Variants in MED13L observed in about 807,000 individuals in gnomAD.
MED13L encodes mediator complex subunit 13L, also known as mediator of RNA polymerase II transcription subunit 13-like.
Under a neutral mutation model 220.9 loss-of-function variants are expected in MED13L, and 7 were observed. That is an observed-to-expected ratio of 0.03 (90% CI 0.02 to 0.06). MED13L has a LOEUF of 0.06. Ranked by LOEUF, MED13L falls within the 10% of genes least tolerant of loss-of-function variation. MED13L has a pLI of 1.00. For synonymous variants in MED13L, 1,011 were observed against 1,015.2 expected (o/e 1.00, Z 0.08); for missense variants, 1,965 against 2,760.5 (o/e 0.71, Z 6.46).
intron 2 of MED13L, among the ~76,000 whole-genome samples, chr12:116,204,495 C>T (rs571724045): frequency 4.6e-5 from 7 of 152,338 alleles, no homozygotes; most frequent in African/African-American, 9.6e-5. Context: ...TATTTTTCAG[C>T]GTAGATGGAT....
intron 4 of MED13L, 114 bp from the exon 5 acceptor site, chr12:116,022,715 C>A: frequency 1.8e-6 from 2 of 1,135,872 alleles, no homozygotes; most frequent in South Asian, 2.7e-5. Context: ...GTAAGGCTGA[C>A]TTCTAATTGT....
At chr12:115,986,745 T>C (rs1159321675) in intron 18 of MED13L, among the ~76,000 whole-genome samples, 1 of 152,172 alleles carries the variant, frequency 6.6e-6, no homozygotes, top group East Asian at 1.9e-4. Context: ...AAATTAACTT[T>C]CCAAGCAGCA....
intron 1 of MED13L, among the ~76,000 whole-genome samples, chr12:116,243,870 G>A (rs894787090): frequency 2.6e-5 from 4 of 152,246 alleles, no homozygotes; most frequent in Admixed American, 2.6e-4. Flanking sequence ...CCTATAAAGT[G>A]ATAGGGTTGA....
At chr12:116,086,310 T>G (rs1871682966) in intron 4 of MED13L, among the ~76,000 whole-genome samples, 1 of 140,830 alleles carries the variant, frequency 7.1e-6, no homozygotes, top group Non-Finnish European at 1.5e-5. Context: ...GAGACAAGAG[T>G]CTCATTCTTG....
chr12:116,275,082 A>G (rs2138607980), intron 1 of MED13L, among the ~76,000 whole-genome samples: 1 of 152,224 alleles, frequency 6.6e-6, no homozygotes, highest in East Asian at 1.9e-4. Flanking sequence ...GTATATACAC[A>G]GCCATTACCA....
intron 4 of MED13L, among the ~76,000 whole-genome samples, chr12:116,073,396 G>A (rs921926286): frequency 2.0e-5 from 3 of 152,078 alleles, no homozygotes; most frequent in African/African-American, 7.2e-5. Flanking sequence ...AAACTACACT[G>A]TTGCCACCAT....
At chr12:116,044,463 G>A (rs539532531) in intron 4 of MED13L, among the ~76,000 whole-genome samples, 1 of 152,226 alleles carries the variant, frequency 6.6e-6, no homozygotes, top group Admixed American at 6.5e-5. Flanking sequence ...CAAAGTTTAA[G>A]ACCAGCTCTG....
At chr12:116,002,243 A>G (rs1186093353) in intron 14 of MED13L, among the ~76,000 whole-genome samples, 2 of 152,224 alleles carry the variant, frequency 1.3e-5, no homozygotes, top group Non-Finnish European at 2.9e-5. Flanking sequence ...CAATCTCTGT[A>G]TACTTCCCAA....
At chr12:115,985,548 T>C (rs1877625968) in intron 19 of MED13L, among the ~76,000 whole-genome samples, 1 of 152,212 alleles carries the variant, frequency 6.6e-6, no homozygotes, top group South Asian at 2.1e-4. Context: ...TTAATTTCAT[T>C]TTGCTGAATA....
chr12:115,998,364 A>G (rs528300564), intron 14 of MED13L, among the ~76,000 whole-genome samples: 14 of 152,360 alleles, frequency 9.2e-5, no homozygotes, highest in African/African-American at 3.1e-4. Context: ...AGATTTAAAC[A>G]GACCAATAAT....
At chr12:115,980,021 T>C (rs774669961) in intron 23 of MED13L, among the ~76,000 whole-genome samples, 1 of 152,184 alleles carries the variant, frequency 6.6e-6, no homozygotes. Flanking sequence ...CAACTTCCTC[T>C]AAGTATGTGC....
At chr12:116,229,324 A>G (rs1869317417) in intron 2 of MED13L, among the ~76,000 whole-genome samples, 1 of 152,220 alleles carries the variant, frequency 6.6e-6, no homozygotes, top group Non-Finnish European at 1.5e-5. Context: ...TGACTCTAAC[A>G]TCTCATTTAA....
intron 3 of MED13L, among the ~76,000 whole-genome samples, chr12:116,106,019 C>A (rs1024369319): frequency 1.3e-5 from 2 of 152,198 alleles, no homozygotes; most frequent in Admixed American, 1.3e-4. Context: ...CCAAGTCATA[C>A]CCAGGAGGGT....
chr12:116,088,486 G>A (rs1021306223), intron 4 of MED13L, among the ~76,000 whole-genome samples: 4 of 152,108 alleles, frequency 2.6e-5, no homozygotes, highest in South Asian at 2.1e-4. Context: ...GGGTTGTCAC[G>A]ACTGAGGGAG....
At position 115,984,108 on chromosome 12, in the gene MED13L, T is replaced by C. The variant is rs1056533836; in HGVS notation, c.4531+72A>G. On this transcript the variant is annotated intron_variant, in intron 20 of 30. Coordinates refer to ENST00000281928, the MANE Select transcript of MED13L (RefSeq NM_015335.5). ...CAAAAGAAATATAATGTTGCATCTATAAAAGAAGGGATGGGACGGATTTGC... is the reference window on the plus strand; with the variant it reads ...CAAAAGAAATATAATGTTGCATCTACAAAAGAAGGGATGGGACGGATTTGC... 16 of 1,478,480 alleles carry C rather than the reference T, an allele frequency of 1.1e-5. No individual in the cohort carries two copies. In the African/African-American group the frequency reaches 1.2e-4, roughly 11 times the overall value. 91.6% of individuals were successfully genotyped at this position (1,478,480 alleles called of 1,614,324 possible). A position where few individuals can be genotyped will look rare whatever the true frequency, so the allele number is the denominator to read the frequency against.
chr12:115,970,973 T>C (rs368338366), intron 26 of MED13L, among the ~76,000 whole-genome samples: 2 of 152,206 alleles, frequency 1.3e-5, no homozygotes, highest in African/African-American at 2.4e-5. Flanking sequence ...TTTCATTTCA[T>C]ACTGAAAAGG....
chr12:116,009,245 TAA>T (rs1324939219), intron 9 of MED13L, 113 bp from the exon 10 acceptor site: 2 of 999,104 alleles, frequency 2.0e-6, no homozygotes, highest in Non-Finnish European at 3.0e-6. Context: ...AAAAGGGCTC[TAA>T]GTTTTTAATT....
chr12:116,241,688 A>T (rs543229019), intron 1 of MED13L, among the ~76,000 whole-genome samples: 1 of 152,350 alleles, frequency 6.6e-6, no homozygotes, highest in Admixed American at 6.5e-5. Context: ...TTTCTTACAA[A>T]TGCAAGTGAC....
intron 4 of MED13L, among the ~76,000 whole-genome samples, chr12:116,026,184 C>A (rs1362728424): frequency 6.6e-6 from 1 of 151,886 alleles, no homozygotes; most frequent in East Asian, 1.9e-4. Context: ...TCGGAAGACT[C>A]GTATATGCAA....
Sources: allele counts gnomAD v4.1 joint callset (sites outside exome capture counted in the v4.1 genomes callset), GRCh38; gene constraint gnomAD v4.1.1; transcripts MANE v1.5; gene names NCBI Gene and HGNC (gene_info 2026-07-23, HGNC 2026-07-21).